DENND1A: variants seen among roughly 807,000 people sequenced by gnomAD.
The protein encoded by DENND1A is DENN domain-containing protein 1A.
In DENND1A, 51 loss-of-function variants were observed where a neutral mutation model predicts 113.7. The ratio of observed to expected loss-of-function variants is 0.45; its 90% confidence interval spans 0.36 to 0.57. The LOEUF is 0.57. Ranked by LOEUF, DENND1A falls within the 20% of genes least tolerant of loss-of-function variation. DENND1A has a pLI of 0.00. For synonymous variants in DENND1A, 565 were observed against 570.8 expected, an observed-to-expected ratio of 0.99 and a Z score of 0.14; for missense variants, 1,258 against 1,395.9, an observed-to-expected ratio of 0.90 and a Z score of 1.57.
intron 1 of DENND1A, among the ~76,000 whole-genome samples, chr9:123,896,874 A>T (rs988365424): frequency 6.6e-6 from 1 of 152,222 alleles, no homozygotes; most frequent in Non-Finnish European, 1.5e-5. Context: ...GAAGTAAAAC[A>T]TTAAGACAAA....
chr9:123,390,273 C>T (rs1305565577), intron 21 of DENND1A, among the ~76,000 whole-genome samples: 2 of 152,232 alleles, frequency 1.3e-5, no homozygotes, highest in Non-Finnish European at 2.9e-5. Context: ...AGCCAGCCTG[C>T]TGGGGGAACC....
rs768095751 is a variant in DENND1A, at chr9:123,381,905, C to A, written c.2740G>T (p.Gly914Trp). The A allele has an allele frequency of 9.1e-6, 4 of 441,092 alleles. No homozygotes were observed. The African/African-American group carries it at 1.5e-4, about 16-fold the overall frequency. The allele number at this position is 441,092 out of a possible 1,614,324, so 27.3% of individuals were successfully genotyped here. A position where few individuals can be genotyped will look rare whatever the true frequency, so the allele number is the denominator to read the frequency against. ...PTLPLVSTPA[G>W]PFGAPPASLG... ...GAAGCTGGAGGGGCCCCGAAAGGCC[C>A]GGCTGGTGTGGAGACCAGGGGCAGG... The change falls in exon 24 of 24, where the codon GGG becomes TGG. Residue 914 changes from glycine to tryptophan, a missense_variant. This residue lies in a region of DENND1A where 1,159 missense variants were observed against 1,231.7 expected (regional missense o/e 0.94). Transcript: ENST00000394215. The surrounding 1 kb of genome is among the most constrained non-coding windows in gnomAD (Gnocchi z 4.7).
intron 5 of DENND1A, among the ~76,000 whole-genome samples, chr9:123,718,227 C>G (rs936616200): frequency 6.6e-6 from 1 of 152,186 alleles, no homozygotes; most frequent in African/African-American, 2.4e-5. Flanking sequence ...GGTAGACGTA[C>G]TAATGTAAAA....
intron 15 of DENND1A, 98 bp downstream of exon 15, chr9:123,457,250 C>T (rs2048192653): frequency 2.2e-6 from 2 of 905,030 alleles, no homozygotes; most frequent in Admixed American, 1.8e-5. Flanking sequence ...TCTTCCTAAG[C>T]CCCAATAAAG....
rs199756087 is a variant in DENND1A at position 123,846,299 on chromosome 9, T to TA, written c.88+32651dup. The stretch of plus-strand genomic sequence containing the variant: ...ACAGCTTGGCAGTTACTCAAAAAGC[T>TA]AAAAAATAGAATTACCATATGATCC... On this transcript the variant is annotated intron_variant, in intron 2 of 23. Transcript: ENST00000394215. Among the ~76,000 whole-genome samples the TA allele has an allele frequency of 9.6e-3, 1,466 of 152,220 alleles. 21 individuals are homozygous for TA. The highest frequency in any genetic ancestry group is 0.018 in the South Asian group (87 of 4,818).
At chr9:123,674,455 C>T (rs2063944884) in intron 6 of DENND1A, among the ~76,000 whole-genome samples, 1 of 151,990 alleles carries the variant, frequency 6.6e-6, no homozygotes, top group African/African-American at 2.4e-5. Context: ...AAGGTTTCAG[C>T]CCTGGGGCAG....
intron 2 of DENND1A, among the ~76,000 whole-genome samples, chr9:123,846,151 C>T (rs1209756679): frequency 6.6e-6 from 1 of 152,196 alleles, no homozygotes; most frequent in Non-Finnish European, 1.5e-5. Context: ...TATGTCACTT[C>T]ATCCCCACTA....
At chr9:123,663,468 G>A (rs923241569) in intron 8 of DENND1A, among the ~76,000 whole-genome samples, 2 of 152,156 alleles carry the variant, frequency 1.3e-5, no homozygotes, top group Non-Finnish European at 2.9e-5. Context: ...AGTTTAGTAT[G>A]CTCTATTTTG....
At chr9:123,390,945 C>T (rs1432511376) in intron 21 of DENND1A, among the ~76,000 whole-genome samples, 8 of 152,264 alleles carry the variant, frequency 5.3e-5, no homozygotes, top group South Asian at 2.1e-4. Flanking sequence ...GTTGGTGCAA[C>T]GCCACTGAAC....
chr9:123,496,235 T>C (rs992917298), intron 13 of DENND1A, among the ~76,000 whole-genome samples: 1 of 152,222 alleles, frequency 6.6e-6, no homozygotes, highest in African/African-American at 2.4e-5. Flanking sequence ...AAATCAATTG[T>C]TCAAAGGTGC....
rs118168539 is a variant in DENND1A, at chr9:123,702,085, T to C, written c.303-25296A>G. Among the ~76,000 whole-genome samples, 243 of 152,158 alleles carry C rather than the reference T, an allele frequency of 1.6e-3. 1 individual carries two copies. The highest frequency in any genetic ancestry group is 2.7e-3 in the Non-Finnish European group (186 of 68,014). On this transcript the variant is annotated intron_variant, in intron 5 of 23. Transcript: ENST00000394215. ...GAGAAACATAATAAGTGACCAGAAT[T>C]AGAAATTTAACAGAGCCTAAAATAA...
chr9:123,532,822 G>C (rs1021569663), intron 13 of DENND1A, among the ~76,000 whole-genome samples: 1 of 152,194 alleles, frequency 6.6e-6, no homozygotes, highest in Non-Finnish European at 1.5e-5. Context: ...TCACCAGACA[G>C]TTGTTTTTAG....
intron 1 of DENND1A, among the ~76,000 whole-genome samples, chr9:123,911,887 G>A (rs1313434131): frequency 6.6e-6 from 1 of 151,934 alleles, no homozygotes; most frequent in Non-Finnish European, 1.5e-5. Context: ...TAGAGAACAG[G>A]GTTTCACCAT....
intron 20 of DENND1A, among the ~76,000 whole-genome samples, chr9:123,407,766 C>T (rs2131417701): frequency 6.6e-6 from 1 of 152,282 alleles, no homozygotes; most frequent in East Asian, 1.9e-4. Context: ...CCAGCCAATT[C>T]CCCACTGGAT....
chr9:123,867,903 G>A (rs1402329455), intron 2 of DENND1A, among the ~76,000 whole-genome samples: 1 of 152,192 alleles, frequency 6.6e-6, no homozygotes, highest in Admixed American at 6.6e-5. Flanking sequence ...TGGAACATAA[G>A]CTTGGATTTA....
At chr9:123,535,693 T>C (rs1297202570) in intron 13 of DENND1A, among the ~76,000 whole-genome samples, 1 of 152,180 alleles carries the variant, frequency 6.6e-6, no homozygotes, top group Non-Finnish European at 1.5e-5. Context: ...TTCTCATCAC[T>C]CAGGTTTCAG....
chr9:123,553,598 A>G (rs1167529106), intron 13 of DENND1A, among the ~76,000 whole-genome samples: 1 of 152,228 alleles, frequency 6.6e-6, no homozygotes, highest in East Asian at 1.9e-4. Context: ...TTTCTCAGGC[A>G]TATCTCATCT....
chr9:123,849,706 G>A lies in DENND1A; in HGVS notation c.88+29245C>T, dbSNP rs562672178. ...ATAGTTATTCCTCTGATGGGTTTGG[G>A]CAAAATAAATTGAAAACCTTCTGGA... On this transcript the variant is annotated intron_variant, in intron 2 of 23. Coordinates refer to ENST00000394215, the MANE Select transcript of DENND1A (RefSeq NM_001352964.2). Among the ~76,000 whole-genome samples, 51 of 152,318 alleles carry A rather than the reference G, an allele frequency of 3.3e-4. No homozygotes were observed. The East Asian group carries it at 8.7e-3, about 26-fold the overall frequency.
At chr9:123,751,851 C>G (rs2070071553) in intron 5 of DENND1A, 1 of 152,240 alleles carries the variant, frequency 6.6e-6, no homozygotes, top group Non-Finnish European at 1.5e-5. Flanking sequence ...AACTCATCAG[C>G]AACACTTTCC....
Sources: allele counts gnomAD v4.1 joint callset (sites outside exome capture counted in the v4.1 genomes callset), GRCh38; gene constraint gnomAD v4.1.1; regional missense constraint gnomAD v4.1.1; non-coding constraint Gnocchi (gnomAD v3.1); transcripts MANE v1.5; gene names NCBI Gene and HGNC (gene_info 2026-07-23, HGNC 2026-07-21).